NDRG4: variants seen among roughly 807,000 people sequenced by gnomAD.
The protein encoded by NDRG4 is protein NDRG4.
In NDRG4, 38 loss-of-function variants were observed where a neutral mutation model predicts 55.8. The ratio of observed to expected loss-of-function variants is 0.68; its 90% CI spans 0.53 to 0.89. The LOEUF (loss-of-function observed/expected upper bound fraction) is 0.89. NDRG4 is among the 40% of genes least tolerant of loss of function. NDRG4 has a pLI of 0.00. For missense variants in NDRG4, 455 were observed against 468.6 expected (o/e 0.97, Z 0.27); for synonymous variants, 190 against 182.7 (o/e 1.04, Z -0.32).
In NDRG4 at chr16:58,512,046, G is replaced by C. The variant is rs942651282; in HGVS notation, c.*470G>C. ...CAAGCACACCTGTTTCTGTCTCATAGCACATGTGACAATCATCTGGACAAC... is the reference window on the plus strand; with the variant it reads ...CAAGCACACCTGTTTCTGTCTCATACCACATGTGACAATCATCTGGACAAC... On this transcript the variant is annotated 3_prime_UTR_variant, in exon 15 of 15. Transcript: ENST00000570248. The C allele has an allele frequency of 1.0e-4, 47 of 457,658 alleles. 3 individuals carry two copies. Among genetic ancestry groups the C allele is most frequent in the Middle Eastern group, 9.7e-4 (3 of 3,100 alleles). The allele number at this position is 457,658 out of a possible 1,614,324, so 28.3% of individuals were successfully genotyped here. A position where few individuals can be genotyped will look rare whatever the true frequency, so the allele number is the denominator to read the frequency against.
exon 3 of NDRG4, chr16:58,494,982 C>T: frequency 6.2e-7 from 1 of 1,613,752 alleles, no homozygotes; most frequent in Non-Finnish European, 8.5e-7. Context: ...CGATGCCTTC[C>T]TCTTGGCTGC....
intron 1 of NDRG4, among the ~76,000 whole-genome samples, chr16:58,476,044 G>C (rs1334852365): frequency 6.6e-6 from 1 of 152,162 alleles, no homozygotes; most frequent in Non-Finnish European, 1.5e-5. Context: ...TGATCCACCT[G>C]CCTCGGCCTC....
intron 1 of NDRG4, among the ~76,000 whole-genome samples, chr16:58,474,184 G>GCACCACA (rs1246497335): frequency 7.9e-5 from 12 of 151,906 alleles, no homozygotes; most frequent in Non-Finnish European, 1.6e-4. Flanking sequence ...TTACAGGTGT[G>GCACCACA]CACCACACAC....
At chr16:58,480,401 G>A (rs746235294) in intron 1 of NDRG4, among the ~76,000 whole-genome samples, 2 of 152,160 alleles carry the variant, frequency 1.3e-5, no homozygotes, top group Non-Finnish European at 2.9e-5. Flanking sequence ...GATTACAGGC[G>A]TGAGCCACCG....
At chr16:58,493,717 C>T (rs1445451763) in intron 2 of NDRG4, among the ~76,000 whole-genome samples, 1 of 152,264 alleles carries the variant, frequency 6.6e-6, no homozygotes, top group Non-Finnish European at 1.5e-5. Flanking sequence ...CGGGAGTTCA[C>T]AGCCTCGCAG....
intron 1 of NDRG4, among the ~76,000 whole-genome samples, chr16:58,470,192 CAAAA>C (rs761951138): frequency 1.6e-4 from 24 of 151,936 alleles, no homozygotes; most frequent in East Asian, 1.4e-3. Context: ...TTTTTAAAAA[CAAAA>C]AAATTCTCTT....
At chr16:58,466,674 G>C (rs1211610799) in intron 1 of NDRG4, among the ~76,000 whole-genome samples, 1 of 152,170 alleles carries the variant, frequency 6.6e-6, no homozygotes, top group Non-Finnish European at 1.5e-5. Context: ...TTGCTATTTT[G>C]TGGTCTTCAC....
chr16:58,465,349 G>A (rs545314141), intron 1 of NDRG4: 1 of 374,328 alleles, frequency 2.7e-6, no homozygotes, highest in Middle Eastern at 9.0e-4. Context: ...AGGGGCAGCC[G>A]TCTGTGGGTG....
chr16:58,504,720 G>A, intron 5 of NDRG4, 71 bp downstream of exon 5: 2 of 1,558,246 alleles, frequency 1.3e-6, no homozygotes, highest in Non-Finnish European at 1.8e-6. Flanking sequence ...GTGGGGACTG[G>A]GGGGAACCCT....
intron 2 of NDRG4, among the ~76,000 whole-genome samples, chr16:58,491,775 T>C (rs1342985758): frequency 1.3e-5 from 2 of 152,162 alleles, no homozygotes; most frequent in African/African-American, 4.8e-5. Context: ...CTTTTCACTT[T>C]TTATTTATTT....
intron 1 of NDRG4, among the ~76,000 whole-genome samples, chr16:58,484,122 C>T (rs1406444756): frequency 1.3e-5 from 2 of 151,970 alleles, no homozygotes; most frequent in African/African-American, 4.8e-5. Flanking sequence ...GTCATTTTTA[C>T]ACTTTGGGAG....
At position 58,504,845 on chromosome 16, in the gene NDRG4, T is replaced by C. The variant is rs2037647967; in HGVS notation, c.372+196T>C. The C allele has an allele frequency of 2.8e-5, 17 of 602,398 alleles. 1 individual carries two copies. In the South Asian group the frequency reaches 3.2e-4, roughly 11 times the overall value. The allele number at this position is 602,398 out of a possible 1,614,324, so 37.3% of individuals were successfully genotyped here. On this transcript the variant is annotated intron_variant, in intron 5 of 14. Coordinates refer to ENST00000570248, the MANE Select transcript of NDRG4 (RefSeq NM_001242835.2). ...GAAATTAACTTTTTTAAAAAAGAGG[T>C]TCCTTTCTCCATATAGTTTTCTCAA...
At chr16:58,508,437 C>A (rs1038803949) in intron 10 of NDRG4, among the ~76,000 whole-genome samples, 7 of 152,232 alleles carry the variant, frequency 4.6e-5, no homozygotes, top group African/African-American at 1.7e-4. Flanking sequence ...CCTGCTGGAA[C>A]TCTGGGAGCA....
At chr16:58,492,498 GT>G in intron 2 of NDRG4, among the ~76,000 whole-genome samples, 1 of 7,562 alleles carries the variant, frequency 1.3e-4, no homozygotes, top group East Asian at 2.1e-3. Context: ...CCGTGTGTGT[GT>G]GTGTGTGTGT....
At chr16:58,466,523 A>T (rs1317499149) in intron 1 of NDRG4, among the ~76,000 whole-genome samples, 2 of 152,204 alleles carry the variant, frequency 1.3e-5, no homozygotes, top group Non-Finnish European at 2.9e-5. Flanking sequence ...TTCCCCCACC[A>T]GATGGGGTCA....
intron 5 of NDRG4, chr16:58,506,065 A>G (rs2037928033): frequency 2.0e-6 from 1 of 491,540 alleles, no homozygotes; most frequent in Middle Eastern, 4.0e-4. Context: ...CATGCTTAAG[A>G]TTTTAAGATG....
In NDRG4 at chr16:58,500,151, G is replaced by A; in HGVS notation, c.-98G>A. ...AGGAGCTGTGCCCCATCACAGAGCC[G>A]ACCATCTCCCACTCGAGCTGCCCCC... On this transcript the variant is annotated 5_prime_UTR_variant, in exon 1 of 15. Transcript: ENST00000570248. The A allele has an allele frequency of 2.6e-6, 4 of 1,535,258 alleles. No individual in the cohort carries two copies. Among genetic ancestry groups the A allele is most frequent in the Non-Finnish European group, 3.5e-6 (4 of 1,146,564 alleles).
chr16:58,478,060 G>C (rs1239161644), intron 1 of NDRG4, among the ~76,000 whole-genome samples: 1 of 152,102 alleles, frequency 6.6e-6, no homozygotes, highest in Non-Finnish European at 1.5e-5. Flanking sequence ...CCCAAAGCGA[G>C]GACATTCTAC....
chr16:58,503,165 C>T (rs1464573869), intron 1 of NDRG4, among the ~76,000 whole-genome samples: 2 of 152,200 alleles, frequency 1.3e-5, no homozygotes, highest in African/African-American at 4.8e-5. Context: ...GATCCCAGAG[C>T]AGGCTCTGCA....
Sources: gnomAD v4.1 joint callset for allele counts (sites outside exome capture counted in the v4.1 genomes callset) on GRCh38, gnomAD v4.1.1 for gene constraint, MANE v1.5 for transcripts, NCBI Gene and HGNC (gene_info 2026-07-23, HGNC 2026-07-21) for gene names.